UBASH3B: variants seen among roughly 807,000 people sequenced by gnomAD.
UBASH3B encodes the protein ubiquitin-associated and SH3 domain-containing protein B.
A neutral mutation model predicts 83.4 loss-of-function variants in UBASH3B; 37 were observed. The observed-to-expected ratio is 0.44, with a 90% CI of 0.34 to 0.58. The LOEUF (loss-of-function observed/expected upper bound fraction) is 0.58. UBASH3B is among the 20% of genes least tolerant of loss of function. The pLI is 0.01. For missense variants in UBASH3B, 657 were observed against 827.2 expected (o/e 0.79, Z 2.52); for synonymous variants, 304 against 318.3 (o/e 0.96, Z 0.48).
chr11:122,750,794 A>T (rs1861187471), intron 1 of UBASH3B, among the ~76,000 whole-genome samples: 1 of 152,226 alleles, frequency 6.6e-6, no homozygotes, highest in Non-Finnish European at 1.5e-5. Context: ...GGGACAAGTC[A>T]CTTGAACATA....
At chr11:122,696,656 GAA>G (rs1222063366) in intron 1 of UBASH3B, among the ~76,000 whole-genome samples, 1 of 152,182 alleles carries the variant, frequency 6.6e-6, no homozygotes, top group East Asian at 1.9e-4. Context: ...CTAAAGACTA[GAA>G]TGTGTAAGTT....
At chr11:122,712,241 A>T (rs893978878) in intron 1 of UBASH3B, among the ~76,000 whole-genome samples, 2 of 152,176 alleles carry the variant, frequency 1.3e-5, no homozygotes, top group South Asian at 4.2e-4. Flanking sequence ...CTGGAAGATA[A>T]GTTTATGAGC....
At chr11:122,805,492 A>G (rs1445616940) in intron 11 of UBASH3B, among the ~76,000 whole-genome samples, 3 of 152,212 alleles carry the variant, frequency 2.0e-5, no homozygotes, top group Non-Finnish European at 4.4e-5. Flanking sequence ...AGATCGAGCC[A>G]TTGCACTCCG....
chr11:122,799,961 A>T (rs1861223117), intron 10 of UBASH3B, among the ~76,000 whole-genome samples: 1 of 152,178 alleles, frequency 6.6e-6, no homozygotes. Flanking sequence ...CTATCCTTTA[A>T]CCTTAAGTAA....
At chr11:122,746,573 A>T (rs1861121745) in intron 1 of UBASH3B, among the ~76,000 whole-genome samples, 1 of 152,232 alleles carries the variant, frequency 6.6e-6, no homozygotes, top group Non-Finnish European at 1.5e-5. Flanking sequence ...AATGGAGAAG[A>T]ATGCTTCCAA....
chr11:122,724,546 T>C, intron 1 of UBASH3B, among the ~76,000 whole-genome samples: 1 of 148,894 alleles, frequency 6.7e-6, no homozygotes, highest in East Asian at 1.9e-4. Flanking sequence ...AGAGGAAAAA[T>C]CAGAGGACTG....
intron 11 of UBASH3B, among the ~76,000 whole-genome samples, chr11:122,802,239 C>T (rs557317825): frequency 6.8e-6 from 1 of 147,418 alleles, no homozygotes; most frequent in African/African-American, 2.5e-5. Context: ...CGCTTGAACC[C>T]AGGAGGCGGA....
At chr11:122,685,906 G>T (rs866499441) in intron 1 of UBASH3B, among the ~76,000 whole-genome samples, 1 of 152,106 alleles carries the variant, frequency 6.6e-6, no homozygotes, top group Non-Finnish European at 1.5e-5. Context: ...AGCCCTATTT[G>T]GATACAGGCT....
At chr11:122,780,186 C>G (rs758147587) in intron 4 of UBASH3B, among the ~76,000 whole-genome samples, 1 of 152,120 alleles carries the variant, frequency 6.6e-6, no homozygotes, top group Non-Finnish European at 1.5e-5. Flanking sequence ...TCCACTGAAC[C>G]AATACCCTTC....
intron 5 of UBASH3B, among the ~76,000 whole-genome samples, chr11:122,787,293 C>T (rs1463617653): frequency 2.0e-5 from 3 of 152,138 alleles, no homozygotes; most frequent in African/African-American, 7.2e-5. Flanking sequence ...AGAAAACCTT[C>T]CTGGCTTGTT....
chr11:122,797,195 C>G, intron 9 of UBASH3B, 162 bp downstream of exon 9: 1 of 993,254 alleles, frequency 1.0e-6, no homozygotes, highest in Non-Finnish European at 1.4e-6. Context: ...GTTTAGGACA[C>G]TGTGCTCAGC....
At chr11:122,750,340 G>T (rs1861181089) in intron 1 of UBASH3B, among the ~76,000 whole-genome samples, 1 of 152,158 alleles carries the variant, frequency 6.6e-6, no homozygotes, top group Non-Finnish European at 1.5e-5. Flanking sequence ...GAACACATCG[G>T]CTGGGTGGAA....
intron 1 of UBASH3B, among the ~76,000 whole-genome samples, chr11:122,771,778 C>CAT (rs1175493246): frequency 6.6e-6 from 1 of 151,314 alleles, no homozygotes; most frequent in Non-Finnish European, 1.5e-5. Flanking sequence ...CACACACACA[C>CAT]ACACACACAC....
intron 1 of UBASH3B, among the ~76,000 whole-genome samples, chr11:122,744,871 C>CTGTGTGTGTGTGTG (rs1472956565): frequency 1.2e-4 from 3 of 26,014 alleles, no homozygotes; most frequent in African/African-American, 5.1e-4. Flanking sequence ...ACATGTGTGA[C>CTGTGTGTGTGTGTG]TCTGTGTGTG....
intron 1 of UBASH3B, among the ~76,000 whole-genome samples, chr11:122,678,722 G>C (rs1863700328): frequency 6.6e-6 from 1 of 152,150 alleles, no homozygotes; most frequent in African/African-American, 2.4e-5. Context: ...AAGAGTTTCA[G>C]ACCATTCAGA....
At chr11:122,751,285 A>T (rs1861194852) in intron 1 of UBASH3B, among the ~76,000 whole-genome samples, 1 of 152,220 alleles carries the variant, frequency 6.6e-6, no homozygotes, top group South Asian at 2.1e-4. Context: ...ATTCTCTTGC[A>T]CTGAGGAGTG....
At chr11:122,677,752 GA>G (rs895448216) in intron 1 of UBASH3B, among the ~76,000 whole-genome samples, 11 of 147,166 alleles carry the variant, frequency 7.5e-5, no homozygotes, top group African/African-American at 1.5e-4. Flanking sequence ...ACTCCCTCTC[GA>G]AAAAAAAAAG....
At chr11:122,793,987 A>AAAG (rs1861106101) in intron 6 of UBASH3B, among the ~76,000 whole-genome samples, 2 of 152,164 alleles carry the variant, frequency 1.3e-5, no homozygotes, top group African/African-American at 2.4e-5. Flanking sequence ...GATGGAAATT[A>AAAG]CCACGGGAAA....
At chr11:122,688,237 T>C (rs1206412110) in intron 1 of UBASH3B, among the ~76,000 whole-genome samples, 1 of 151,976 alleles carries the variant, frequency 6.6e-6, no homozygotes, top group Non-Finnish European at 1.5e-5. Context: ...TTCTTTTTCT[T>C]TCTTTCTTTC....
Sources: allele counts gnomAD v4.1 joint callset (sites outside exome capture counted in the v4.1 genomes callset), GRCh38; gene constraint gnomAD v4.1.1; transcripts MANE v1.5; gene names NCBI Gene and HGNC (gene_info 2026-07-23, HGNC 2026-07-21).